Variants in LRRC4C observed in about 807,000 individuals in gnomAD.
LRRC4C encodes the protein leucine rich repeat containing 4C.
In LRRC4C, 5 loss-of-function variants were observed where a neutral mutation model predicts 33.6. That is an observed-to-expected ratio of 0.15 (90% CI 0.08 to 0.31). The LOEUF is 0.31. Among genes scored for constraint, LRRC4C ranks in the 10% least tolerant of loss-of-function variants. LRRC4C has a pLI of 1.00. For synonymous variants in LRRC4C, 329 were observed against 302.0 expected, an observed-to-expected ratio of 1.09 and a Z score of -0.93; for missense variants, 560 against 796.7, an observed-to-expected ratio of 0.70 and a Z score of 3.58.
intron 2 of LRRC4C, among the ~76,000 whole-genome samples, chr11:40,765,280 A>T (rs1486168771): frequency 1.3e-5 from 2 of 152,080 alleles, no homozygotes; most frequent in Admixed American, 6.6e-5. Flanking sequence ...GATTGTTCAA[A>T]AGTGTGTAAT....
At chr11:40,692,606 A>C (rs975494824) in intron 2 of LRRC4C, among the ~76,000 whole-genome samples, 2 of 152,104 alleles carry the variant, frequency 1.3e-5, no homozygotes, top group African/African-American at 4.8e-5. Flanking sequence ...AATTCTAAAC[A>C]AAAAGCCTTG....
chr11:40,211,854 G>A (rs1337196185), intron 5 of LRRC4C, among the ~76,000 whole-genome samples: 2 of 152,048 alleles, frequency 1.3e-5, no homozygotes, highest in Non-Finnish European at 1.5e-5. Flanking sequence ...GAGCTTTAGC[G>A]GTCACTGTGG....
chr11:41,117,737 AT>A (rs1942212384), intron 1 of LRRC4C, among the ~76,000 whole-genome samples: 2 of 152,124 alleles, frequency 1.3e-5, no homozygotes, highest in South Asian at 4.1e-4. Context: ...CTCCAATATT[AT>A]AATTGAAAAA....
intron 2 of LRRC4C, among the ~76,000 whole-genome samples, chr11:40,715,790 T>C (rs1946675213): frequency 6.6e-6 from 1 of 152,176 alleles, no homozygotes; most frequent in Non-Finnish European, 1.5e-5. Context: ...TTTGGGAGGC[T>C]GAGGCCGGCG....
intron 3 of LRRC4C, among the ~76,000 whole-genome samples, chr11:40,444,332 TTTTA>T (rs1013110724): frequency 2.0e-5 from 3 of 150,456 alleles, no homozygotes; most frequent in African/African-American, 4.8e-5. Flanking sequence ...TTTTAATTTA[TTTTA>T]TTTATTTTAT....
chr11:40,554,727 G>T (rs116325490), intron 3 of LRRC4C, among the ~76,000 whole-genome samples: 52 of 137,542 alleles, frequency 3.8e-4, no homozygotes, highest in African/African-American at 1.3e-3. Context: ...CTGTAAATGG[G>T]ATTGCATTCT....
At chr11:41,196,331 C>A (rs999174988) in intron 1 of LRRC4C, among the ~76,000 whole-genome samples, 40 of 152,140 alleles carry the variant, frequency 2.6e-4, no homozygotes, top group Non-Finnish European at 5.6e-4. Context: ...ACTAGACTAG[C>A]TCCTTCATTT....
At chr11:40,200,028 T>C (rs867877087) in intron 5 of LRRC4C, among the ~76,000 whole-genome samples, 14 of 151,872 alleles carry the variant, frequency 9.2e-5, no homozygotes, top group African/African-American at 2.9e-4. Flanking sequence ...GCTGTCTCAG[T>C]GATCCCTGCT....
At chr11:40,205,458 G>A (rs1863076705) in intron 5 of LRRC4C, among the ~76,000 whole-genome samples, 1 of 152,064 alleles carries the variant, frequency 6.6e-6, no homozygotes, top group African/African-American at 2.4e-5. Context: ...ATTCAATTAC[G>A]GGGGTGAGAA....
At chr11:41,193,169 G>A (rs576594726) in intron 1 of LRRC4C, among the ~76,000 whole-genome samples, 2 of 152,178 alleles carry the variant, frequency 1.3e-5, no homozygotes, top group African/African-American at 4.8e-5. Context: ...AGGTATGGAT[G>A]ATGAGAACAC....
At chr11:41,124,124 A>T (rs1172984451) in intron 1 of LRRC4C, among the ~76,000 whole-genome samples, 2 of 152,212 alleles carry the variant, frequency 1.3e-5, no homozygotes, top group Non-Finnish European at 2.9e-5. Flanking sequence ...GATGAGAAAC[A>T]TCTTATCAAA....
chr11:40,874,212 C>T (rs1035784477), intron 2 of LRRC4C, among the ~76,000 whole-genome samples: 1 of 152,158 alleles, frequency 6.6e-6, no homozygotes, highest in African/African-American at 2.4e-5. Flanking sequence ...TTCATGCCCC[C>T]ACACTCAAAA....
Position 40,114,843 on chromosome 11 carries a change from A to C in LRRC4C, c.1450T>G (p.Trp484Gly). Residue 484 changes from tryptophan to glycine, a missense_variant, in exon 7 of 7, where the codon TGG becomes GGG. Coordinates refer to ENST00000528697, the MANE Select transcript of LRRC4C (RefSeq NM_001258419.2). ...NNVGPTPVVD[W>G]ETTNVTTSLT... ...GAGGTGGTCACATTGGTGGTCTCCCAGTCGACCACTGGAGTGGGACCCACA... is the reference window on the plus strand; with the variant it reads ...GAGGTGGTCACATTGGTGGTCTCCCCGTCGACCACTGGAGTGGGACCCACA... 6.2e-7 allele frequency: 1 copy of C among 1,614,158 alleles called. No homozygotes were observed. Among genetic ancestry groups the C allele is most frequent in the Non-Finnish European group, 8.5e-7 (1 of 1,180,026 alleles).
chr11:41,170,692 T>A (rs982362619), intron 1 of LRRC4C, among the ~76,000 whole-genome samples: 1 of 152,166 alleles, frequency 6.6e-6, no homozygotes, highest in African/African-American at 2.4e-5. Context: ...GACATAGGCA[T>A]GGGCAAGGAC....
intron 1 of LRRC4C, among the ~76,000 whole-genome samples, chr11:41,098,205 T>C (rs771319267): frequency 6.6e-6 from 1 of 152,246 alleles, no homozygotes; most frequent in South Asian, 2.1e-4. Flanking sequence ...GATAGGCATA[T>C]GATTATGGCC....
intron 5 of LRRC4C, among the ~76,000 whole-genome samples, chr11:40,185,154 G>A (rs538912332): frequency 6.6e-6 from 1 of 152,260 alleles, no homozygotes; most frequent in South Asian, 2.1e-4. Context: ...TAAGCTAACT[G>A]CACTTAGCTT....
chr11:40,976,268 A>C (rs1028202093), intron 1 of LRRC4C, among the ~76,000 whole-genome samples: 3 of 152,196 alleles, frequency 2.0e-5, no homozygotes, highest in Non-Finnish European at 4.4e-5. Flanking sequence ...TGTGCATGCT[A>C]CTTTGCTGAT....
At chr11:40,867,089 T>G (rs986042568) in intron 2 of LRRC4C, among the ~76,000 whole-genome samples, 1 of 152,196 alleles carries the variant, frequency 6.6e-6, no homozygotes, top group Non-Finnish European at 1.5e-5. Context: ...TCCTTTTCCT[T>G]TCAAATCTTA....
At chr11:41,057,217 C>T (rs1565342282) in intron 1 of LRRC4C, among the ~76,000 whole-genome samples, 1 of 152,194 alleles carries the variant, frequency 6.6e-6, no homozygotes, top group Non-Finnish European at 1.5e-5. Context: ...AATCCTGTAG[C>T]AAAGTTGGGA....
Sources: allele counts gnomAD v4.1 joint callset (sites outside exome capture counted in the v4.1 genomes callset), GRCh38; gene constraint gnomAD v4.1.1; transcripts MANE v1.5; gene names NCBI Gene and HGNC (gene_info 2026-07-23, HGNC 2026-07-21).